The following CPAP variants were observed in gnomAD, a reference collection of about 807,000 sequenced individuals.
CPAP encodes centrosomal P4.1-associated protein.
chr13:24,930,113 T>C, the CPAP span, among the ~76,000 whole-genome samples: 2 of 151,988 alleles, frequency 1.3e-5, no homozygotes, highest in Admixed American at 6.5e-5. Context: ...GGTCTCGCTA[T>C]GTTGCCAAGG....
the CPAP span, among the ~76,000 whole-genome samples, chr13:24,888,011 T>C: frequency 6.6e-6 from 1 of 152,348 alleles, no homozygotes. Flanking sequence ...CTCATCTATG[T>C]CTTTACGTAG....
the CPAP span, chr13:24,892,557 A>C: frequency 9.5e-7 from 1 of 1,048,690 alleles, no homozygotes. Context: ...GGCAGCTCCC[A>C]TTCTACTTTC....
At chr13:24,884,519 T>C in the CPAP span, 1 of 1,551,368 alleles carries the variant, frequency 6.4e-7, no homozygotes. Context: ...AAAGTATGGC[T>C]AATTCTCCTC....
chr13:24,897,079 G>A, the CPAP span, among the ~76,000 whole-genome samples: 1 of 152,058 alleles, frequency 6.6e-6, no homozygotes, highest in Non-Finnish European at 1.5e-5. Flanking sequence ...ATTGCTAGTA[G>A]AACTAAAAAT....
the CPAP span, among the ~76,000 whole-genome samples, chr13:24,896,102 A>G: frequency 6.6e-6 from 1 of 152,218 alleles, no homozygotes; most frequent in Non-Finnish European, 1.5e-5. Context: ...AAAGAAAGGT[A>G]AATACGGGGA....
chr13:24,924,016 G>C, the CPAP span, among the ~76,000 whole-genome samples: 2 of 151,960 alleles, frequency 1.3e-5, no homozygotes, highest in African/African-American at 4.8e-5. Context: ...TTTATTTTTA[G>C]TAGAGAAGGG....
At chr13:24,885,827 C>G in the CPAP span, 1 of 642,016 alleles carries the variant, frequency 1.6e-6, no homozygotes, top group South Asian at 1.9e-5. Context: ...TTGTAGTTCT[C>G]CGACACAGGT....
At chr13:24,885,839 C>G in the CPAP span, 3 of 621,886 alleles carry the variant, frequency 4.8e-6, no homozygotes, top group Non-Finnish European at 8.7e-6. Context: ...GACACAGGTA[C>G]TTAAGTCCTA....
At chr13:24,933,731 T>C in the CPAP span, among the ~76,000 whole-genome samples, 2 of 138,374 alleles carry the variant, frequency 1.4e-5, no homozygotes, top group African/African-American at 5.6e-5. Flanking sequence ...CCTCTTCTTC[T>C]TTTTTTTTTT....
chr13:24,923,809 T>C, the CPAP span, among the ~76,000 whole-genome samples: 2 of 152,276 alleles, frequency 1.3e-5, no homozygotes, highest in East Asian at 3.9e-4. Context: ...TTGCTTCTTT[T>C]TTCAATTTTT....
At chr13:24,886,368 G>A in the CPAP span, 1 of 1,289,206 alleles carries the variant, frequency 7.8e-7, no homozygotes, top group East Asian at 5.5e-5. Context: ...CTGGGCGTGT[G>A]AGGCGGCTGT....
chr13:24,900,725 C>T, the CPAP span, among the ~76,000 whole-genome samples: 2 of 152,116 alleles, frequency 1.3e-5, no homozygotes, highest in South Asian at 4.1e-4. Context: ...AGCACAGACG[C>T]GGGCAGCAGA....
the CPAP span, among the ~76,000 whole-genome samples, chr13:24,900,128 G>C: frequency 6.6e-6 from 1 of 151,588 alleles, no homozygotes; most frequent in Non-Finnish European, 1.5e-5. Flanking sequence ...TTGTATGTGA[G>C]GGCTTATCTT....
the CPAP span, chr13:24,925,940 T>C: frequency 6.6e-6 from 1 of 152,658 alleles, no homozygotes; most frequent in African/African-American, 2.4e-5. Context: ...TTGTTTTTGC[T>C]CCAGGCTTTC....
chr13:24,892,934 A>C, the CPAP span: 1 of 1,117,196 alleles, frequency 9.0e-7, no homozygotes, highest in Non-Finnish European at 1.3e-6. Flanking sequence ...CAATAGAAGA[A>C]TAGAGACCCA....
At chr13:24,908,653 G>A in the CPAP span, among the ~76,000 whole-genome samples, 1 of 151,840 alleles carries the variant, frequency 6.6e-6, no homozygotes, top group South Asian at 2.1e-4. Context: ...ATGTCATGAG[G>A]AAAAAAGTGT....
chr13:24,908,458 A>AAAAAAAAAG, the CPAP span, among the ~76,000 whole-genome samples: 1 of 129,222 alleles, frequency 7.7e-6, no homozygotes, highest in African/African-American at 2.7e-5. Context: ...AAAAAAAAAA[A>AAAAAAAAAG]AAAAAATTAG....
the CPAP span, among the ~76,000 whole-genome samples, chr13:24,908,330 G>A: frequency 6.6e-6 from 1 of 151,492 alleles, no homozygotes; most frequent in South Asian, 2.1e-4. Context: ...CGGGTGTGGT[G>A]GCTCACACCT....
At chr13:24,933,731 T>TC in the CPAP span, among the ~76,000 whole-genome samples, 1 of 138,374 alleles carries the variant, frequency 7.2e-6, no homozygotes, top group African/African-American at 2.8e-5. Flanking sequence ...CCTCTTCTTC[T>TC]TTTTTTTTTT....
Sources: allele counts gnomAD v4.1 joint callset (sites outside exome capture counted in the v4.1 genomes callset), GRCh38; gene constraint gnomAD v4.1.1; transcripts MANE v1.5; gene names NCBI Gene and HGNC (gene_info 2026-07-23, HGNC 2026-07-21).